EP400: variants seen among roughly 807,000 people sequenced by gnomAD.
EP400 encodes the protein E1A-binding protein p400.
Under a neutral mutation model 354.1 loss-of-function variants are expected in EP400, and 105 were observed. The ratio of observed to expected loss-of-function variants is 0.30; its 90% confidence interval spans 0.25 to 0.35. The LOEUF is 0.35. Ranked by LOEUF, EP400 falls within the 10% of genes least tolerant of loss-of-function variation. EP400 has a pLI of 1.00. For missense variants in EP400, 3,280 were observed against 4,121.0 expected (o/e 0.80, Z 5.59); for synonymous variants, 1,646 against 1,716.9 (o/e 0.96, Z 1.02).
rs777856012 is a variant in EP400, at chr12:131,994,728, T to C, written c.2738-139T>C. On this transcript the variant is annotated intron_variant, in intron 11 of 52. Transcript: ENST00000389561. This position sits in a 1 kb window ranked among gnomAD's most constrained non-coding sequence, Gnocchi z 4.6. ...AGTTTCCTGCCCATTTAATTAAATT[T>C]AACCTGAGAAGTTTAAAAGCTCAGT... 18 of 622,278 alleles carry C rather than the reference T, an allele frequency of 2.9e-5. No homozygotes were observed. Among genetic ancestry groups the C allele is most frequent in the African/African-American group, 5.7e-5 (3 of 52,964 alleles). 38.5% of individuals were successfully genotyped at this position (622,278 alleles called of 1,614,324 possible).
At chr12:131,971,609 AG>A (rs1892290956) in intron 2 of EP400, among the ~76,000 whole-genome samples, 2 of 152,220 alleles carry the variant, frequency 1.3e-5, no homozygotes, top group East Asian at 1.9e-4. Flanking sequence ...ACAGTGCACA[AG>A]GGTTCTTTAG....
chr12:131,966,915 A>G (rs1027672184), intron 2 of EP400, among the ~76,000 whole-genome samples: 2 of 150,048 alleles, frequency 1.3e-5, no homozygotes, highest in South Asian at 4.2e-4. Flanking sequence ...AAAAAAAAAA[A>G]AAAAAAAAAA....
chr12:132,006,954 T>C (rs1893602751), intron 15 of EP400, 77 bp downstream of exon 15: 3 of 1,524,194 alleles, frequency 2.0e-6, no homozygotes, highest in South Asian at 1.2e-5. Flanking sequence ...GATGGGAGTG[T>C]GGGGACTTGG....
rs759345819 is a variant in EP400, at chr12:131,980,928, ATGG to A, written c.1436-558_1436-556del. 8.4e-4 allele frequency among the ~76,000 whole-genome samples: 128 copies of A among 152,232 alleles called. 2 individuals are homozygous for A. Among genetic ancestry groups the A allele is most frequent in the Non-Finnish European group, 1.3e-4 (9 of 68,040 alleles). On this transcript the variant is annotated intron_variant, in intron 3 of 52. Coordinates refer to ENST00000389561, the MANE Select transcript of EP400 (RefSeq NM_015409.5). ...AAAGCGCAGATGTAGTTAAGTAATA[ATGG>A]TGCTCAATTGCCCACCAAAAGGACA...
intron 15 of EP400, 52 bp downstream of exon 15, chr12:132,006,929 T>C (rs1187120415): frequency 6.3e-7 from 1 of 1,599,080 alleles, no homozygotes; most frequent in African/African-American, 1.3e-5. Flanking sequence ...GACTTACCTA[T>C]AGGCCAGTGT....
In EP400 at chr12:132,050,593, C is replaced by A. The variant is rs777289608; in HGVS notation, c.7338-6C>A. Reference sequence around the variant, plus strand: ...AATAATTGCTGTCTCACTGTCTATACTTCAGGCTTGGCATGAATCCCTTTC... The same window carrying A: ...AATAATTGCTGTCTCACTGTCTATAATTCAGGCTTGGCATGAATCCCTTTC... On this transcript the variant is annotated splice_region_variant and splice_polypyrimidine_tract_variant and intron_variant, in intron 40 of 52. Transcript: ENST00000389561. The surrounding 1 kb of genome is among the most constrained non-coding windows in gnomAD (Gnocchi z 4.8). 6.2e-7 allele frequency: 1 copy of A among 1,614,206 alleles called. No homozygotes were observed. The highest frequency in any genetic ancestry group is 1.1e-5 in the South Asian group (1 of 91,084).
chr12:132,006,211 A>G lies in EP400; in HGVS notation c.3035A>G (p.Asn1012Ser). 1.2e-6 allele frequency: 2 copies of G among 1,614,240 alleles called. No homozygotes were observed. The highest frequency in any genetic ancestry group is 4.5e-5 in the East Asian group (2 of 44,884). Residue 1012 changes from asparagine to serine, a missense_variant, in exon 14 of 53, where the codon AAT becomes AGT. This residue lies in a region of EP400 where 800 missense variants were observed against 840.0 expected (regional missense o/e 0.95). Coordinates refer to ENST00000389561, the MANE Select transcript of EP400 (RefSeq NM_015409.5). Reference protein sequence around the residue: ...MDQFKAAERMNIGKPNAKDIA... With the variant: ...MDQFKAAERMSIGKPNAKDIA... ...CAGTTCAAAGCTGCCGAGAGGATGA[A>G]TATCGGGAAGCCAAACGCCAAGGAC...
intron 2 of EP400, among the ~76,000 whole-genome samples, chr12:131,975,834 C>G (rs919427622): frequency 6.6e-6 from 1 of 152,092 alleles, no homozygotes; most frequent in African/African-American, 2.4e-5. Context: ...GCTGGAAATA[C>G]AGCATAAGCC....
chr12:131,967,251 G>C (rs960970600), intron 2 of EP400, among the ~76,000 whole-genome samples: 2 of 151,356 alleles, frequency 1.3e-5, no homozygotes, highest in African/African-American at 4.9e-5. Context: ...CGTGGTAGTG[G>C]GCGCCTGTAA....
chr12:132,045,362 CCCT>C lies in EP400; in HGVS notation c.6833_6835del (p.Pro2278del). The C allele has an allele frequency of 6.2e-7, 1 of 1,614,242 alleles. No individual in the cohort carries two copies. The highest frequency in any genetic ancestry group is 8.5e-7 in the Non-Finnish European group (1 of 1,180,056). ...AGCAGCGTCACGGGGAGGCGGTCGT[CCCT>C]CCTCGGTCCCTGTTTGACCGCGCAA... On this transcript the variant is annotated inframe_deletion, in exon 38 of 53. Coordinates refer to ENST00000389561, the MANE Select transcript of EP400 (RefSeq NM_015409.5).
rs115883765 is a variant in EP400, at chr12:132,058,161, T to C, written c.7884+2953T>C. Among the ~76,000 whole-genome samples, 168 of 151,928 alleles carry C rather than the reference T, an allele frequency of 1.1e-3. 1 individual carries two copies. Among genetic ancestry groups the C allele is most frequent in the African/African-American group, 3.8e-3 (159 of 41,434 alleles). On this transcript the variant is annotated intron_variant, in intron 45 of 52. Transcript: ENST00000389561. ...CAGGGCCAGTCTTGTGAGCGGAGGG[T>C]CTGAGGGGAAGGGAATGGCGTGCAT...
Position 132,038,112 on chromosome 12 carries a change from A to G in EP400, c.6207+16A>G. On this transcript the variant is annotated intron_variant, in intron 32 of 52. Coordinates refer to ENST00000389561, the MANE Select transcript of EP400 (RefSeq NM_015409.5). The surrounding 1 kb of genome is among the most constrained non-coding windows in gnomAD (Gnocchi z 4.2). ...TTTCATAGAGGTAAGAATACATTGA[A>G]TCTGGCTGAAGAGTTGCACGGTGGG... 1 of 1,614,038 alleles carries G rather than the reference A, an allele frequency of 6.2e-7. No homozygotes were observed. Among genetic ancestry groups the G allele is most frequent in the East Asian group, 2.2e-5 (1 of 44,882 alleles).
At chr12:132,015,801 C>G (rs1168264452) in intron 19 of EP400, among the ~76,000 whole-genome samples, 2 of 152,142 alleles carry the variant, frequency 1.3e-5, no homozygotes, top group Non-Finnish European at 2.9e-5. Context: ...CCTGGAGCAC[C>G]TGGTAATCAA....
chr12:132,060,914 CAAAAAAAA>C (rs11305330), intron 45 of EP400, among the ~76,000 whole-genome samples: 2 of 110,408 alleles, frequency 1.8e-5, no homozygotes, highest in East Asian at 5.1e-4. Flanking sequence ...GACTCCGTCT[CAAAAAAAA>C]AAAAAAACAA....
At position 132,076,613 on chromosome 12, in the gene EP400, T is replaced by C. The variant is rs764508805; in HGVS notation, c.9099+20T>C. 6.3e-7 allele frequency: 1 copy of C among 1,592,938 alleles called. No homozygotes were observed. The highest frequency in any genetic ancestry group is 1.3e-5 in the African/African-American group (1 of 74,092). On this transcript the variant is annotated intron_variant, in intron 52 of 52. Transcript: ENST00000389561. ...CAGCAGGTAGGACGCATAGACAAAG[T>C]GGAAACCTCACATTTCCCAGGTCAG...
At chr12:131,999,786 A>T (rs1351044076) in intron 12 of EP400, among the ~76,000 whole-genome samples, 2 of 152,226 alleles carry the variant, frequency 1.3e-5, no homozygotes, top group East Asian at 3.9e-4. Flanking sequence ...TTCATAGTCA[A>T]TTATGATAGT....
chr12:132,015,621 C>T lies in EP400; in HGVS notation c.3923+1708C>T, dbSNP rs1487780893. The stretch of plus-strand genomic sequence containing the variant: ...TGTGAGAGGCTGGTGGCCCTGGGAC[C>T]TGTTGGGGGAAAGCACGTCTTATTC... On this transcript the variant is annotated intron_variant, in intron 19 of 52. Transcript: ENST00000389561. Among the ~76,000 whole-genome samples, 3 of 152,122 alleles carry T rather than the reference C, an allele frequency of 2.0e-5. No individual in the cohort carries two copies. In the East Asian group the frequency reaches 5.8e-4, roughly 29 times the overall value.
chr12:132,064,977 T>TA, intron 48 of EP400, 91 bp downstream of exon 48: 1 of 1,502,382 alleles, frequency 6.7e-7, no homozygotes, highest in Admixed American at 2.1e-5. Context: ...TGTCACGTGT[T>TA]ACAGGAGTGA....
intron 16 of EP400, 95 bp downstream of exon 16, chr12:132,011,729 T>C: frequency 7.2e-7 from 1 of 1,389,876 alleles, no homozygotes; most frequent in Non-Finnish European, 9.6e-7. Flanking sequence ...TGCTTATTCA[T>C]GGAATTATTA....
Sources: allele counts gnomAD v4.1 joint callset (sites outside exome capture counted in the v4.1 genomes callset), GRCh38; gene constraint gnomAD v4.1.1; regional missense constraint gnomAD v4.1.1; non-coding constraint Gnocchi (gnomAD v3.1); transcripts MANE v1.5; gene names NCBI Gene and HGNC (gene_info 2026-07-23, HGNC 2026-07-21).